The following GTF2H2 variants were observed in gnomAD, a reference collection of about 807,000 sequenced individuals.
GTF2H2 encodes the protein TFIIH basal transcription factor complex p44 subunit.
A neutral mutation model predicts 16.5 loss-of-function variants in GTF2H2; 2 were observed. That is an observed-to-expected ratio of 0.12 (90% CI 0.05 to 0.38). The LOEUF is 0.38. Ranked by LOEUF, GTF2H2 falls within the 10% of genes least tolerant of loss-of-function variation. The pLI is 0.99. For synonymous variants in GTF2H2, 8 were observed against 44.1 expected, an observed-to-expected ratio of 0.18 and a Z score of 3.24; for missense variants, 20 against 137.0, an observed-to-expected ratio of 0.15 and a Z score of 4.26.
chr5:71,054,712 C>CGTGTGTGTGTGTGT (rs750011504), intron 8 of GTF2H2, among the ~76,000 whole-genome samples: 4 of 105,290 alleles, frequency 3.8e-5, no homozygotes, highest in Middle Eastern at 4.6e-3. Flanking sequence ...TATATATATA[C>CGTGTGTGTGTGTGT]GTGTGTGTGT....
intron 8 of GTF2H2, chr5:71,054,915 C>T (rs1184857875): frequency 2.1e-5 from 3 of 139,646 alleles, no homozygotes; most frequent in African/African-American, 8.4e-5. Flanking sequence ...GGGGTCTTAG[C>T]TCTATTCCAT....
intron 8 of GTF2H2, among the ~76,000 whole-genome samples, chr5:71,054,706 T>C (rs1337036976): frequency 1.6e-5 from 2 of 124,612 alleles, no homozygotes; most frequent in Admixed American, 1.7e-4. Context: ...AAAAAATATA[T>C]ATATACGTGT....
At chr5:71,054,814 TTATA>T (rs1170356408) in intron 8 of GTF2H2, among the ~76,000 whole-genome samples, 4 of 134,250 alleles carry the variant, frequency 3.0e-5, no homozygotes, top group African/African-American at 1.1e-4. Flanking sequence ...TATATAAGCT[TTATA>T]TATATATGTA....
Position 71,054,784 on chromosome 5 carries a change from A to T in GTF2H2, c.470+568T>A, listed in dbSNP as rs527698802. ...ATAATAGATATATAAGCTTTAACTT[A>T]TATATGTAAGTTTAACATATATATA... is the stretch of plus-strand genomic sequence containing the variant. On this transcript the variant is annotated intron_variant, in intron 8 of 15. Coordinates refer to ENST00000274400, the Ensembl canonical transcript of GTF2H2. Among the ~76,000 whole-genome samples the T allele has an allele frequency of 3.1e-3, 425 of 138,160 alleles. 40 individuals carry two copies. The highest frequency in any genetic ancestry group is 0.011 in the African/African-American group (405 of 35,734). The allele number at this position is 138,160 out of a possible 152,430, so 90.6% of individuals were successfully genotyped here.
chr5:71,038,179 A>G lies in GTF2H2; in HGVS notation c.1029-633T>C, dbSNP rs1194998113. On this transcript the variant is annotated intron_variant, in intron 14 of 15. Transcript: ENST00000274400. ...CTGAGGTGCTATCACGGCTCACTGC[A>G]GCCTCAACCTCCTGGGCTCAAGTGA... Among the ~76,000 whole-genome samples, 5 of 81,718 alleles carry G rather than the reference A, an allele frequency of 6.1e-5. 2 individuals are homozygous for G. The highest frequency in any genetic ancestry group is 2.8e-4 in the Admixed American group (2 of 7,130). 53.6% of individuals were successfully genotyped at this position (81,718 alleles called of 152,430 possible). A position where few individuals can be genotyped will look rare whatever the true frequency, so the allele number is the denominator to read the frequency against.
chr5:71,052,191 G>A lies in GTF2H2; in HGVS notation c.471-3033C>T, dbSNP rs902187638. Among the ~76,000 whole-genome samples, 8 of 141,684 alleles carry A rather than the reference G, an allele frequency of 5.6e-5. 1 individual carries two copies. The highest frequency in any genetic ancestry group is 2.1e-4 in the South Asian group (1 of 4,692). The allele number at this position is 141,684 out of a possible 152,430, so 93.0% of individuals were successfully genotyped here. ...ACTTTTTTTTTCTTTATTTTGAGAC[G>A]GAGTCTCACAGTGTTGTCTGGGCTA... On this transcript the variant is annotated intron_variant, in intron 8 of 15. Transcript: ENST00000274400.
rs1434691036 is a variant in GTF2H2, at chr5:71,053,735, CAAT to C, written c.470+1614_470+1616del. Among the ~76,000 whole-genome samples the C allele has an allele frequency of 4.1e-4, 58 of 140,774 alleles. 2 individuals carry two copies. The highest frequency in any genetic ancestry group is 6.8e-4 in the African/African-American group (24 of 35,242). 92.4% of individuals were successfully genotyped at this position (140,774 alleles called of 152,430 possible). A position where few individuals can be genotyped will look rare whatever the true frequency, so the allele number is the denominator to read the frequency against. Reference sequence around the variant, plus strand: ...ATTAGGCACAATAAGAGATTAACAACAATAACTAATAATGGAACATTTATAACA... The same window carrying C: ...ATTAGGCACAATAAGAGATTAACAACAACTAATAATGGAACATTTATAACA... On this transcript the variant is annotated intron_variant, in intron 8 of 15. Transcript: ENST00000274400.
At chr5:71,058,285 C>T (rs1753420608) in intron 7 of GTF2H2, 1 of 137,290 alleles carries the variant, frequency 7.3e-6, no homozygotes, top group Non-Finnish European at 1.6e-5. Context: ...ACCTTATATT[C>T]CTACCTTGGA....
intron 7 of GTF2H2, 132 bp from the exon 8 acceptor site, chr5:71,055,589 G>A (rs1410855792): frequency 4.1e-6 from 3 of 734,564 alleles, no homozygotes; most frequent in East Asian, 6.0e-5. Flanking sequence ...AATTTTATCT[G>A]CAATATTTTG....
rs1443210397 is a variant in GTF2H2, at chr5:71,054,745, GTGTGTGTA to G, written c.470+599_470+606del. On this transcript the variant is annotated intron_variant, in intron 8 of 15. Transcript: ENST00000274400. Reference sequence around the variant, plus strand: ...TGTGTGTGTGTGTGTGTGTGTGTGTGTGTGTGTATATATATAATAGATATATAAGCTTT... The same window carrying G: ...TGTGTGTGTGTGTGTGTGTGTGTGTGTATATATAATAGATATATAAGCTTT... Among the ~76,000 whole-genome samples the G allele has an allele frequency of 4.5e-4, 60 of 132,786 alleles. 1 individual carries two copies. Among genetic ancestry groups the G allele is most frequent in the Admixed American group, 1.4e-3 (17 of 12,580 alleles). 87.1% of individuals were successfully genotyped at this position (132,786 alleles called of 152,430 possible). A position where few individuals can be genotyped will look rare whatever the true frequency, so the allele number is the denominator to read the frequency against.
Position 71,052,808 on chromosome 5 carries a change from C to T in GTF2H2, c.470+2544G>A, listed in dbSNP as rs1304339305. On this transcript the variant is annotated intron_variant, in intron 8 of 15. Coordinates refer to ENST00000274400, the Ensembl canonical transcript of GTF2H2. Reference sequence around the variant, plus strand: ...TATCATACAAGCTGGAGTACAGTAGCACAATCGTAGCTCACTGCAGCCTCA... The same window carrying T: ...TATCATACAAGCTGGAGTACAGTAGTACAATCGTAGCTCACTGCAGCCTCA... Among the ~76,000 whole-genome samples, 22 of 59,858 alleles carry T rather than the reference C, an allele frequency of 3.7e-4. 1 individual carries two copies. The highest frequency in any genetic ancestry group is 1.7e-3 in the African/African-American group (22 of 12,912). 39.3% of individuals were successfully genotyped at this position (59,858 alleles called of 152,430 possible). A position where few individuals can be genotyped will look rare whatever the true frequency, so the allele number is the denominator to read the frequency against.
chr5:71,037,865 A>C (rs1341121554), intron 14 of GTF2H2, among the ~76,000 whole-genome samples: 1 of 69,612 alleles, frequency 1.4e-5, no homozygotes, highest in Non-Finnish European at 2.8e-5. Context: ...CCAGCTACTC[A>C]GGAGGCTGAC....
chr5:71,053,373 G>C (rs1430885353), intron 8 of GTF2H2, among the ~76,000 whole-genome samples: 1 of 141,596 alleles, frequency 7.1e-6, no homozygotes, highest in Non-Finnish European at 1.5e-5. Flanking sequence ...CAGAACACAC[G>C]TAACACTTAT....
chr5:71,044,021 T>C (rs1752156512), intron 12 of GTF2H2, among the ~76,000 whole-genome samples: 1 of 120,238 alleles, frequency 8.3e-6, no homozygotes, highest in South Asian at 2.9e-4. Flanking sequence ...GTTTAATCTC[T>C]TCAAAATTTG....
chr5:71,044,074 A>G (rs2150144096), intron 12 of GTF2H2, among the ~76,000 whole-genome samples: 1 of 138,648 alleles, frequency 7.2e-6, no homozygotes, highest in South Asian at 2.3e-4. Context: ...CTGTTAGTCT[A>G]GATTTTTCTT....
In GTF2H2 at chr5:71,053,622, T is replaced by TA. The variant is rs572229008; in HGVS notation, c.470+1729dup. ...AGAGTTGCCATAAACTGTCAGTTTG[T>TA]AAAAAAAAAAGTTATCTGAAAAGTG... On this transcript the variant is annotated intron_variant, in intron 8 of 15. Transcript: ENST00000274400. Among the ~76,000 whole-genome samples, 104 of 106,738 alleles carry TA rather than the reference T, an allele frequency of 9.7e-4. 1 individual carries two copies. Among genetic ancestry groups the TA allele is most frequent in the Middle Eastern group, 4.1e-3 (1 of 244 alleles). The allele number at this position is 106,738 out of a possible 152,430, so 70.0% of individuals were successfully genotyped here. A position where few individuals can be genotyped will look rare whatever the true frequency, so the allele number is the denominator to read the frequency against.
rs556913332 is a variant in GTF2H2 at position 71,036,322 on chromosome 5, C to T, written c.1069-526G>A. ...TCAGCATTACATATACGAGTACTTG[C>T]GCCTTGGGATAAAATTTCCAGGGCA... On this transcript the variant is annotated intron_variant, in intron 15 of 15. Coordinates refer to ENST00000274400, the Ensembl canonical transcript of GTF2H2. 5.6e-5 allele frequency among the ~76,000 whole-genome samples: 5 copies of T among 88,812 alleles called. 1 individual carries two copies. The highest frequency in any genetic ancestry group is 1.1e-4 in the African/African-American group (3 of 26,120). 58.3% of individuals were successfully genotyped at this position (88,812 alleles called of 152,430 possible).
chr5:71,057,523 T>C (rs1753349470), intron 7 of GTF2H2, among the ~76,000 whole-genome samples: 1 of 122,972 alleles, frequency 8.1e-6, no homozygotes, highest in African/African-American at 3.1e-5. Flanking sequence ...ATATTAACCA[T>C]TTGTAATATT....
chr5:71,043,746 C>T (rs1752124889), intron 12 of GTF2H2, among the ~76,000 whole-genome samples: 1 of 48,652 alleles, frequency 2.1e-5, no homozygotes, highest in Non-Finnish European at 3.2e-5. Flanking sequence ...CAGGCAGGAG[C>T]TACCGCACCC....
Sources: gnomAD v4.1 joint callset for allele counts (sites outside exome capture counted in the v4.1 genomes callset) on GRCh38, gnomAD v4.1.1 for gene constraint, MANE v1.5 for transcripts, NCBI Gene and HGNC (gene_info 2026-07-23, HGNC 2026-07-21) for gene names.